Variants in DISC1 observed in about 807,000 individuals in gnomAD.
The protein encoded by DISC1 is disrupted in schizophrenia 1 protein.
Under a neutral mutation model 84.5 loss-of-function variants are expected in DISC1, and 57 were observed. That is an observed-to-expected ratio of 0.67 (90% CI 0.55 to 0.84). The LOEUF is 0.84. Ranked by LOEUF, DISC1 falls within the 40% of genes least tolerant of loss-of-function variation. DISC1 has a pLI of 0.00. For synonymous variants in DISC1, 411 were observed against 415.2 expected, an observed-to-expected ratio of 0.99 and a Z score of 0.12; for missense variants, 1,000 against 1,057.8, an observed-to-expected ratio of 0.95 and a Z score of 0.76.
intron 2 of DISC1, among the ~76,000 whole-genome samples, chr1:231,701,474 T>C (rs2066410858): frequency 6.6e-6 from 1 of 152,242 alleles, no homozygotes; most frequent in Admixed American, 6.5e-5. Context: ...CCTTAGGGCT[T>C]CTCAGAAGGG....
chr1:231,970,988 T>A (rs533575155), intron 10 of DISC1, among the ~76,000 whole-genome samples: 23 of 152,376 alleles, frequency 1.5e-4, no homozygotes, highest in African/African-American at 5.3e-4. Flanking sequence ...GTTATATCCA[T>A]GGTGCTCTAT....
chr1:231,673,029 G>A (rs894055698), intron 1 of DISC1, among the ~76,000 whole-genome samples: 5 of 152,168 alleles, frequency 3.3e-5, no homozygotes, highest in Non-Finnish European at 5.9e-5. Context: ...GAGTTGATGA[G>A]TGACCTCTGG....
chr1:231,912,740 CTCT>C (rs3083756), intron 9 of DISC1, among the ~76,000 whole-genome samples: 3,282 of 147,618 alleles, frequency 0.022, 84 homozygotes, highest in East Asian at 0.09. Flanking sequence ...CTGCAGCTTG[CTCT>C]TCTTTCTTTC....
chr1:231,762,509 G>GTTTTTTT lies in DISC1; in HGVS notation c.1269-4627_1269-4626insTTTTTTT, dbSNP rs1396197645. ...GCCACTGTGCCTAATTTTTAGTTTT[G>GTTTTTTT]TTTTGTTTTTTTTTTTTTTTTGGTA... On this transcript the variant is annotated intron_variant, in intron 4 of 12. Coordinates refer to ENST00000439617, the MANE Select transcript of DISC1 (RefSeq NM_018662.3). Among the ~76,000 whole-genome samples, 3 of 52,554 alleles carry GTTTTTTT rather than the reference G, an allele frequency of 5.7e-5. 1 individual carries two copies. The highest frequency in any genetic ancestry group is 5.8e-5 in the African/African-American group (1 of 17,142). The allele number at this position is 52,554 out of a possible 152,430, so 34.5% of individuals were successfully genotyped here.
At chr1:232,032,022 G>C (rs1394179159) in intron 12 of DISC1, among the ~76,000 whole-genome samples, 1 of 152,150 alleles carries the variant, frequency 6.6e-6, no homozygotes, top group African/African-American at 2.4e-5. Context: ...TTGAAGTTCT[G>C]CTTTTTTTCA....
At chr1:231,829,328 A>G (rs1166797871) in intron 9 of DISC1, among the ~76,000 whole-genome samples, 1 of 152,176 alleles carries the variant, frequency 6.6e-6, no homozygotes, top group East Asian at 1.9e-4. Flanking sequence ...TTGTTTTTGC[A>G]TATCTTTGAC....
chr1:231,857,204 A>C (rs941815093), intron 9 of DISC1, among the ~76,000 whole-genome samples: 5 of 152,220 alleles, frequency 3.3e-5, no homozygotes, highest in African/African-American at 1.2e-4. Flanking sequence ...TCACAACAGA[A>C]AGGCAAGGGC....
At chr1:231,837,199 T>C (rs2082687277) in intron 9 of DISC1, among the ~76,000 whole-genome samples, 1 of 152,180 alleles carries the variant, frequency 6.6e-6, no homozygotes, top group African/African-American at 2.4e-5. Flanking sequence ...GTTTACCATA[T>C]GTTTCAAAGT....
intron 3 of DISC1, among the ~76,000 whole-genome samples, chr1:231,748,772 CT>C (rs2074286235): frequency 6.6e-6 from 1 of 152,080 alleles, no homozygotes; most frequent in Non-Finnish European, 1.5e-5. Flanking sequence ...AATTCCTTGC[CT>C]TTTAATTTTT....
Position 232,024,055 on chromosome 1 carries a change from GTA to G in DISC1, c.2308-2378_2308-2377del, listed in dbSNP as rs1308240767. ...CACACACATATATATGTATATATGTGTATGTGTGTATATATATATATATTTAT... is the reference window on the plus strand; with the variant it reads ...CACACACATATATATGTATATATGTGTGTGTGTATATATATATATATTTAT... On this transcript the variant is annotated intron_variant, in intron 11 of 12. Transcript: ENST00000439617. 3.0e-4 allele frequency among the ~76,000 whole-genome samples: 37 copies of G among 122,752 alleles called. 1 individual carries two copies. The East Asian group carries it at 3.1e-3, about 10-fold the overall frequency. The allele number at this position is 122,752 out of a possible 152,430, so 80.5% of individuals were successfully genotyped here.
intron 4 of DISC1, among the ~76,000 whole-genome samples, chr1:231,762,981 C>G (rs2075888413): frequency 6.6e-6 from 1 of 152,124 alleles, no homozygotes; most frequent in Non-Finnish European, 1.5e-5. Context: ...AAAGGCAGAA[C>G]CAAGACCCAA....
At chr1:231,957,424 G>T (rs550562955) in intron 9 of DISC1, among the ~76,000 whole-genome samples, 2 of 152,096 alleles carry the variant, frequency 1.3e-5, no homozygotes, top group Admixed American at 1.3e-4. Context: ...ATGTTTTATG[G>T]AATTTTTATG....
chr1:231,736,185 C>A (rs2072463965), intron 3 of DISC1, among the ~76,000 whole-genome samples: 1 of 152,122 alleles, frequency 6.6e-6, no homozygotes, highest in Non-Finnish European at 1.5e-5. Context: ...ACTGGCAAGA[C>A]AGAGCTGAAT....
intron 9 of DISC1, among the ~76,000 whole-genome samples, chr1:231,906,616 T>C (rs1445008631): frequency 3.3e-5 from 5 of 152,194 alleles, no homozygotes; most frequent in Non-Finnish European, 1.5e-5. Context: ...TATTTACAGC[T>C]GGGTGATTGT....
chr1:231,754,896 C>A (rs1443767960), intron 4 of DISC1, among the ~76,000 whole-genome samples: 1 of 152,134 alleles, frequency 6.6e-6, no homozygotes, highest in Non-Finnish European at 1.5e-5. Context: ...TTTCCTTTTC[C>A]TTACAGGAGT....
chr1:231,932,266 A>G (rs188045009), intron 9 of DISC1, among the ~76,000 whole-genome samples: 371 of 152,338 alleles, frequency 2.4e-3, no homozygotes, highest in Non-Finnish European at 4.1e-3. Flanking sequence ...GAAAGGTGCT[A>G]GTGGGAAATG....
At chr1:231,904,017 G>C (rs2088420456) in intron 9 of DISC1, among the ~76,000 whole-genome samples, 1 of 152,166 alleles carries the variant, frequency 6.6e-6, no homozygotes, top group African/African-American at 2.4e-5. Flanking sequence ...AGGCAGCATG[G>C]GAGCCAGGAC....
At chr1:231,799,686 A>G (rs2079034685) in intron 7 of DISC1, among the ~76,000 whole-genome samples, 1 of 151,750 alleles carries the variant, frequency 6.6e-6, no homozygotes, top group Non-Finnish European at 1.5e-5. Context: ...GGCAGGAGGC[A>G]GGAGTGATGC....
chr1:231,723,378 C>T (rs1048689852), intron 3 of DISC1: 22 of 985,558 alleles, frequency 2.2e-5, no homozygotes, highest in Non-Finnish European at 2.4e-5. Flanking sequence ...GTCTGTGGAA[C>T]GGCGATGATC....
Sources: allele counts gnomAD v4.1 joint callset (sites outside exome capture counted in the v4.1 genomes callset), GRCh38; gene constraint gnomAD v4.1.1; transcripts MANE v1.5; gene names NCBI Gene and HGNC (gene_info 2026-07-23, HGNC 2026-07-21).